Variants in GRID1 observed in about 807,000 individuals in gnomAD.
GRID1 encodes glutamate receptor ionotropic, delta-1.
GRID1 carries 28 observed loss-of-function variants against 98.0 expected under a neutral mutation model. The observed-to-expected ratio is 0.29, with a 90% CI of 0.21 to 0.39. The LOEUF (loss-of-function observed/expected upper bound fraction) is 0.39, where lower values mean the gene tolerates loss of function less well. GRID1 is among the 10% of genes least tolerant of loss of function. The pLI is 1.00. For missense variants in GRID1, 1,111 were observed against 1,340.5 expected (o/e 0.83, Z 2.67); for synonymous variants, 553 against 538.5 (o/e 1.03, Z -0.37).
intron 2 of GRID1, among the ~76,000 whole-genome samples, chr10:86,302,019 C>T (rs926954763): frequency 1.3e-5 from 2 of 152,246 alleles, no homozygotes; most frequent in African/African-American, 4.8e-5. Flanking sequence ...CTGGCCCTCA[C>T]TCTACTTCTG....
intron 4 of GRID1, among the ~76,000 whole-genome samples, chr10:85,943,946 A>G (rs917850606): frequency 3.3e-5 from 5 of 152,188 alleles, no homozygotes; most frequent in African/African-American, 1.2e-4. Flanking sequence ...CTGAGCAGAG[A>G]CTTTAAAAGT....
At chr10:86,343,744 T>C (rs1356591863) in intron 2 of GRID1, among the ~76,000 whole-genome samples, 1 of 152,174 alleles carries the variant, frequency 6.6e-6, no homozygotes, top group African/African-American at 2.4e-5. Context: ...TAGTGAACCA[T>C]GGCACCCTGT....
chr10:86,030,342 AG>A (rs1449432354), intron 4 of GRID1, among the ~76,000 whole-genome samples: 2 of 152,400 alleles, frequency 1.3e-5, no homozygotes, highest in Non-Finnish European at 2.9e-5. Context: ...TAATAATTGC[AG>A]GAAAGATTCC....
intron 12 of GRID1, among the ~76,000 whole-genome samples, chr10:85,718,214 C>T (rs1841661612): frequency 6.6e-6 from 1 of 152,246 alleles, no homozygotes; most frequent in African/African-American, 2.4e-5. Flanking sequence ...CCACATGACA[C>T]ATTTCCCTTC....
At chr10:86,102,211 C>T (rs531478215) in intron 4 of GRID1, among the ~76,000 whole-genome samples, 1 of 152,334 alleles carries the variant, frequency 6.6e-6, no homozygotes, top group African/African-American at 2.4e-5. Flanking sequence ...ACTCTGGCTG[C>T]CTCAGAATGA....
chr10:85,970,784 A>T (rs1231742567), intron 4 of GRID1, among the ~76,000 whole-genome samples: 6 of 152,066 alleles, frequency 3.9e-5, no homozygotes, highest in African/African-American at 1.4e-4. Context: ...AAGGATATCC[A>T]CTTTTGCAAC....
At chr10:86,008,974 A>C (rs1267010272) in intron 4 of GRID1, among the ~76,000 whole-genome samples, 1 of 152,168 alleles carries the variant, frequency 6.6e-6, no homozygotes, top group African/African-American at 2.4e-5. Flanking sequence ...AATGCCTATC[A>C]ACAGGAGAAT....
Position 86,058,293 on chromosome 10 carries a change from T to A in GRID1, c.726+80526A>T, listed in dbSNP as rs1161714750. Among the ~76,000 whole-genome samples, 4 of 152,220 alleles carry A rather than the reference T, an allele frequency of 2.6e-5. No individual in the cohort carries two copies. The East Asian group carries it at 7.7e-4, about 29-fold the overall frequency. On this transcript the variant is annotated intron_variant, in intron 4 of 15. Coordinates refer to ENST00000327946, the MANE Select transcript of GRID1 (RefSeq NM_017551.3). ...AACTCAGCTCATTTCTGTGTGACCT[T>A]CTAGTTGGTTTGGATGGTTCCGGCC...
chr10:86,350,700 G>T (rs1848450899), intron 2 of GRID1, among the ~76,000 whole-genome samples: 1 of 152,296 alleles, frequency 6.6e-6, no homozygotes, highest in African/African-American at 2.4e-5. Flanking sequence ...GGGGTACAGA[G>T]TGATATTTCA....
chr10:86,094,675 C>T (rs559903418), intron 4 of GRID1, among the ~76,000 whole-genome samples: 31 of 151,734 alleles, frequency 2.0e-4, no homozygotes, highest in Admixed American at 5.9e-4. Flanking sequence ...AAAACACTGC[C>T]GAAAGAAATC....
At chr10:85,654,051 C>T (rs1840863854) in intron 12 of GRID1, among the ~76,000 whole-genome samples, 1 of 152,192 alleles carries the variant, frequency 6.6e-6, no homozygotes, top group Non-Finnish European at 1.5e-5. Flanking sequence ...CAGATCCAAA[C>T]ACTGTATGAG....
At chr10:86,321,316 T>G (rs1422171739) in intron 2 of GRID1, among the ~76,000 whole-genome samples, 2 of 152,024 alleles carry the variant, frequency 1.3e-5, no homozygotes, top group Non-Finnish European at 2.9e-5. Flanking sequence ...GGTCACCCAG[T>G]AAAAATGAAT....
intron 13 of GRID1, 57 bp downstream of exon 13, chr10:85,647,145 C>A (rs1843204616): frequency 2.1e-6 from 3 of 1,425,338 alleles, no homozygotes; most frequent in South Asian, 2.4e-5. Flanking sequence ...CACCTGGGGG[C>A]TGACCACCCC....
chr10:85,781,584 T>TG lies in GRID1; in HGVS notation c.1234-51971dup, dbSNP rs368475345. 2.1e-3 allele frequency among the ~76,000 whole-genome samples: 320 copies of TG among 152,230 alleles called. 3 individuals are homozygous for TG. Among genetic ancestry groups the TG allele is most frequent in the African/African-American group, 7.5e-3 (312 of 41,520 alleles). On this transcript the variant is annotated intron_variant, in intron 8 of 15. Coordinates refer to ENST00000327946, the MANE Select transcript of GRID1 (RefSeq NM_017551.3). ...GTGATGCTGGAGCGTAGGTAACAAGTGGGTGACTGAGGGTCAAACTTTCAG... is the reference window on the plus strand; with the variant it reads ...GTGATGCTGGAGCGTAGGTAACAAGTGGGGTGACTGAGGGTCAAACTTTCAG...
intron 13 of GRID1, among the ~76,000 whole-genome samples, chr10:85,635,624 A>G (rs913953838): frequency 6.6e-6 from 1 of 152,222 alleles, no homozygotes; most frequent in Non-Finnish European, 1.5e-5. Context: ...CCTGAGGACA[A>G]ATAAATAAAA....
chr10:85,775,554 G>T, intron 8 of GRID1, among the ~76,000 whole-genome samples: 1 of 152,156 alleles, frequency 6.6e-6, no homozygotes, highest in East Asian at 1.9e-4. Context: ...GGAGGGGAGA[G>T]TGGCAAGTGT....
At chr10:86,149,362 A>T (rs1277641546) in intron 3 of GRID1, among the ~76,000 whole-genome samples, 1 of 152,226 alleles carries the variant, frequency 6.6e-6, no homozygotes, top group Non-Finnish European at 1.5e-5. Context: ...GATTCAGGAA[A>T]GGGAATGGGT....
chr10:86,216,326 T>C (rs1046332633), intron 2 of GRID1, among the ~76,000 whole-genome samples: 2 of 152,196 alleles, frequency 1.3e-5, no homozygotes, highest in Non-Finnish European at 2.9e-5. Context: ...AACAATTGAA[T>C]GAGCTGAGTG....
At chr10:86,074,353 T>C (rs569169633) in intron 4 of GRID1, among the ~76,000 whole-genome samples, 3 of 152,194 alleles carry the variant, frequency 2.0e-5, no homozygotes, top group Non-Finnish European at 4.4e-5. Context: ...CTGAGAACTA[T>C]CATTCTACCC....
Sources: allele counts gnomAD v4.1 joint callset (sites outside exome capture counted in the v4.1 genomes callset), GRCh38; gene constraint gnomAD v4.1.1; transcripts MANE v1.5; gene names NCBI Gene and HGNC (gene_info 2026-07-23, HGNC 2026-07-21).